The following SLCO1B1 variants were observed in gnomAD, a reference collection of about 807,000 sequenced individuals.
SLCO1B1 encodes the protein OATP-2.
SLCO1B1 carries 81 observed loss-of-function variants against 70.1 expected under a neutral mutation model. That is an observed-to-expected ratio of 1.16 (90% CI 0.97 to 1.39). The LOEUF (loss-of-function observed/expected upper bound fraction) is 1.39, where lower values mean the gene tolerates loss of function less well. Among genes scored for constraint, SLCO1B1 ranks in the 40% most tolerant of loss-of-function variants. SLCO1B1 has a pLI of 0.00. For missense variants in SLCO1B1, 895 were observed against 799.6 expected (o/e 1.12, Z -1.44); for synonymous variants, 283 against 271.5 (o/e 1.04, Z -0.42).
chr12:21,218,047 C>T (rs889274927), intron 12 of SLCO1B1, among the ~76,000 whole-genome samples: 12 of 152,002 alleles, frequency 7.9e-5, no homozygotes, highest in Non-Finnish European at 1.6e-4. Context: ...AGGTGGGGGG[C>T]TGTGAAGAAG....
intron 2 of SLCO1B1, among the ~76,000 whole-genome samples, chr12:21,152,533 C>CTTTTGTTTTTTTTTT (rs1940485235): frequency 2.9e-5 from 1 of 34,356 alleles, no homozygotes; most frequent in Non-Finnish European, 5.2e-5. Context: ...AGAGGAGAGG[C>CTTTTGTTTTTTTTTT]TTTTTTTTTT....
intron 14 of SLCO1B1, among the ~76,000 whole-genome samples, chr12:21,232,318 T>A (rs1348699981): frequency 1.3e-5 from 2 of 152,206 alleles, no homozygotes; most frequent in African/African-American, 2.4e-5. Flanking sequence ...CTGCTCGAGA[T>A]AATTTTTAGA....
At position 21,150,115 on chromosome 12, in the gene SLCO1B1, A is replaced by G. The variant is rs571654747; in HGVS notation, c.84+8457A>G. Among the ~76,000 whole-genome samples the G allele has an allele frequency of 4.6e-5, 7 of 152,258 alleles. No individual in the cohort carries two copies. In the South Asian group the frequency reaches 1.2e-3, roughly 27 times the overall value. On this transcript the variant is annotated intron_variant, in intron 2 of 14. Transcript: ENST00000256958. ...GGGTGGAGCCCACCGCAGCTCCACA[A>G]AGCCCCTGTAGCCAGACTGCCTCTC...
chr12:21,132,547 A>G (rs1179096044), intron 1 of SLCO1B1, among the ~76,000 whole-genome samples: 1 of 152,164 alleles, frequency 6.6e-6, no homozygotes, highest in Non-Finnish European at 1.5e-5. Flanking sequence ...GTGAGATAGT[A>G]TCTCATTGTG....
In SLCO1B1 at chr12:21,217,171, A is replaced by C. The variant is rs1941368895; in HGVS notation, c.1550A>C (p.Tyr517Ser). Residue 517 changes from tyrosine to serine, a missense_variant, in exon 12 of 15, where the codon TAC (tyrosine) becomes TCC (serine). Transcript: ENST00000256958. ...LEVTGLQNRNYSAHLGECPRD... is the reference protein window; with the variant it reads ...LEVTGLQNRNSSAHLGECPRD... ...GTAACTGGTCTCCAGAACAGAAATT[A>C]CTCAGCCCATTTGGGTGAATGCCCA... 1 of 1,613,652 alleles carries C rather than the reference A, an allele frequency of 6.2e-7. No homozygotes were observed.
intron 11 of SLCO1B1, among the ~76,000 whole-genome samples, chr12:21,212,427 G>A (rs1486926481): frequency 7.3e-6 from 1 of 136,472 alleles, no homozygotes; most frequent in Non-Finnish European, 1.6e-5. Context: ...TGGTCTGAGA[G>A]ATAGTTTGTT....
chr12:21,220,698 A>C (rs940244144), intron 12 of SLCO1B1, among the ~76,000 whole-genome samples: 4 of 152,026 alleles, frequency 2.6e-5, no homozygotes, highest in Non-Finnish European at 4.4e-5. Context: ...AAAGAGCATA[A>C]GTAACTGTGT....
intron 11 of SLCO1B1, among the ~76,000 whole-genome samples, chr12:21,211,334 T>C (rs1056968152): frequency 8.5e-5 from 13 of 152,162 alleles, no homozygotes; most frequent in African/African-American, 2.7e-4. Context: ...GGTTTTTGTC[T>C]TTGGCTCTGT....
chr12:21,209,026 G>T (rs952962668), intron 11 of SLCO1B1, among the ~76,000 whole-genome samples: 6 of 151,564 alleles, frequency 4.0e-5, no homozygotes, highest in Non-Finnish European at 8.9e-5. Flanking sequence ...GCTTTTGGCA[G>T]AGTATTTAGG....
At chr12:21,176,572 G>A (rs1477113248) in intron 4 of SLCO1B1, among the ~76,000 whole-genome samples, 2 of 152,064 alleles carry the variant, frequency 1.3e-5, no homozygotes, top group East Asian at 3.8e-4. Flanking sequence ...GGGGTGTATT[G>A]AATTATCTTT....
At chr12:21,181,532 A>G (rs1412692387) in intron 7 of SLCO1B1, among the ~76,000 whole-genome samples, 1 of 152,178 alleles carries the variant, frequency 6.6e-6, no homozygotes, top group Non-Finnish European at 1.5e-5. Context: ...TTTGTTATCA[A>G]GTCAATGTTA....
At chr12:21,221,993 A>C (rs1381694173) in intron 12 of SLCO1B1, among the ~76,000 whole-genome samples, 4 of 152,086 alleles carry the variant, frequency 2.6e-5, no homozygotes, top group African/African-American at 7.2e-5. Context: ...ACAAAAAATC[A>C]GTATCTTCAG....
intron 3 of SLCO1B1, among the ~76,000 whole-genome samples, chr12:21,173,822 T>G (rs10770789): frequency 0.78 from 111,816 of 142,716 alleles, 44,494 homozygotes; most frequent in Middle Eastern, 0.86. Flanking sequence ...GCCCAGGCTG[T>G]AGTGCAGTGG....
chr12:21,170,145 A>G (rs1940740013), intron 2 of SLCO1B1, among the ~76,000 whole-genome samples: 1 of 152,282 alleles, frequency 6.6e-6, no homozygotes, highest in Middle Eastern at 3.4e-3. Context: ...CATTTTTATT[A>G]GTACTTGAAT....
At chr12:21,158,909 T>A (rs1940576401) in intron 2 of SLCO1B1, among the ~76,000 whole-genome samples, 1 of 152,104 alleles carries the variant, frequency 6.6e-6, no homozygotes, top group African/African-American at 2.4e-5. Flanking sequence ...TATGAGAAAA[T>A]AATGTTCTTC....
At chr12:21,150,048 A>G (rs1038024815) in intron 2 of SLCO1B1, among the ~76,000 whole-genome samples, 3 of 152,064 alleles carry the variant, frequency 2.0e-5, no homozygotes, top group African/African-American at 7.2e-5. Context: ...AGGCTTGAGT[A>G]GGTGCTTTTC....
intron 7 of SLCO1B1, among the ~76,000 whole-genome samples, chr12:21,186,761 TATCTC>T (rs1814640588): frequency 6.6e-6 from 1 of 152,082 alleles, no homozygotes; most frequent in African/African-American, 2.4e-5. Context: ...TATACCGTCT[TATCTC>T]ATATTGAAAA....
intron 7 of SLCO1B1, among the ~76,000 whole-genome samples, chr12:21,190,143 G>C (rs577913851): frequency 2.6e-5 from 4 of 152,258 alleles, no homozygotes; most frequent in South Asian, 2.1e-4. Flanking sequence ...CAGAGCACAA[G>C]AAATAGGTAT....
rs190529884 is a variant in SLCO1B1 at position 21,137,680 on chromosome 12, G to T, written c.-61-3834G>T. ...TCCTGGTGTGCTGTTTTTTAAGCCGGTTGGAAAAGCACAGTATTAGGGTGG... is the reference window on the plus strand; with the variant it reads ...TCCTGGTGTGCTGTTTTTTAAGCCGTTTGGAAAAGCACAGTATTAGGGTGG... On this transcript the variant is annotated intron_variant, in intron 1 of 14. Transcript: ENST00000256958. Among the ~76,000 whole-genome samples, 61 of 152,294 alleles carry T rather than the reference G, an allele frequency of 4.0e-4. 2 individuals carry two copies. The East Asian group carries it at 0.01, about 25-fold the overall frequency.
Sources: allele counts gnomAD v4.1 joint callset (sites outside exome capture counted in the v4.1 genomes callset), GRCh38; gene constraint gnomAD v4.1.1; transcripts MANE v1.5; gene names NCBI Gene and HGNC (gene_info 2026-07-23, HGNC 2026-07-21).